The following TRAPPC9 variants were observed in gnomAD, a reference collection of about 807,000 sequenced individuals.
TRAPPC9 encodes IKK2 binding protein.
A neutral mutation model predicts 124.0 loss-of-function variants in TRAPPC9; 83 were observed. The ratio of observed to expected loss-of-function variants is 0.67; its 90% CI spans 0.56 to 0.80. The LOEUF (loss-of-function observed/expected upper bound fraction) is 0.80. Among genes scored for constraint, TRAPPC9 ranks in the 30% least tolerant of loss-of-function variants. The pLI is 0.00. For synonymous variants in TRAPPC9, 638 were observed against 617.5 expected (o/e 1.03, Z -0.49); for missense variants, 1,302 against 1,508.3 (o/e 0.86, Z 2.27).
chr8:140,129,006 A>ATATATTT (rs1563783130), intron 17 of TRAPPC9, among the ~76,000 whole-genome samples: 3 of 82,876 alleles, frequency 3.6e-5, no homozygotes, highest in African/African-American at 1.3e-4. Flanking sequence ...TATATATATT[A>ATATATTT]AAAAAAAAAA....
At position 139,737,925 on chromosome 8, in the gene TRAPPC9, G is replaced by A. The variant is rs192638732; in HGVS notation, c.3056-5723C>T. Among the ~76,000 whole-genome samples the A allele has an allele frequency of 1.6e-4, 24 of 152,256 alleles. No homozygotes were observed. In the East Asian group the frequency reaches 4.1e-3, roughly 26 times the overall value. On this transcript the variant is annotated intron_variant, in intron 21 of 22. Coordinates refer to ENST00000438773, the MANE Select transcript of TRAPPC9 (RefSeq NM_001160372.4). The stretch of plus-strand genomic sequence containing the variant: ...CTAGGACGGGGATGCTTTGCATTTC[G>A]ACAGCTTCTCCAGGGCCCTTCCTCT...
chr8:139,940,314 A>G (rs994443337), intron 19 of TRAPPC9, among the ~76,000 whole-genome samples: 3 of 152,248 alleles, frequency 2.0e-5, no homozygotes, highest in African/African-American at 7.2e-5. Context: ...GAAACAGGGA[A>G]GACATCAGAT....
At position 140,033,658 on chromosome 8, in the gene TRAPPC9, G is replaced by GTTTTTTTTTT. The variant is rs776155126; in HGVS notation, c.2557-9589_2557-9580dup. 6.1e-4 allele frequency among the ~76,000 whole-genome samples: 26 copies of GTTTTTTTTTT among 42,386 alleles called. 3 individuals are homozygous for GTTTTTTTTTT. Among genetic ancestry groups the GTTTTTTTTTT allele is most frequent in the Non-Finnish European group, 1.2e-3 (21 of 18,104 alleles). 27.8% of individuals were successfully genotyped at this position (42,386 alleles called of 152,430 possible). A position where few individuals can be genotyped will look rare whatever the true frequency, so the allele number is the denominator to read the frequency against. On this transcript the variant is annotated intron_variant, in intron 17 of 22. Coordinates refer to ENST00000438773, the MANE Select transcript of TRAPPC9 (RefSeq NM_001160372.4). ...TTGAAATGCAACTCTTCATAATGTG[G>GTTTTTTTTTT]TTTTTTTTTTTTTTTTTTTTTTTTT...
intron 15 of TRAPPC9, among the ~76,000 whole-genome samples, chr8:140,264,125 G>A (rs12542021): frequency 0.11 from 16,023 of 152,200 alleles, 1,099 homozygotes; most frequent in Admixed American, 0.17. Flanking sequence ...AAAGCACCTC[G>A]GAAACAGACC....
intron 16 of TRAPPC9, among the ~76,000 whole-genome samples, chr8:140,224,904 G>A (rs1014900830): frequency 1.2e-4 from 18 of 152,122 alleles, no homozygotes; most frequent in African/African-American, 3.4e-4. Context: ...CAGAGAGCCC[G>A]GTAGGAGATC....
chr8:140,190,194 G>A (rs931991297), intron 17 of TRAPPC9, among the ~76,000 whole-genome samples: 3 of 152,140 alleles, frequency 2.0e-5, no homozygotes, highest in South Asian at 2.1e-4. Context: ...GGTAGCTCAC[G>A]TCTGTAATCC....
chr8:140,268,984 G>C (rs545375769), intron 15 of TRAPPC9, among the ~76,000 whole-genome samples: 1 of 152,074 alleles, frequency 6.6e-6, no homozygotes, highest in Non-Finnish European at 1.5e-5. Context: ...GGCTTGCCCC[G>C]GGGCTGGGGC....
intron 19 of TRAPPC9, among the ~76,000 whole-genome samples, chr8:139,924,845 G>A (rs1832713077): frequency 6.6e-6 from 1 of 152,168 alleles, no homozygotes; most frequent in Non-Finnish European, 1.5e-5. Flanking sequence ...ATCTTTTACA[G>A]GCCTAGAACT....
rs1362864327 is a variant in TRAPPC9, at chr8:139,788,079, C to G, written c.3056-55877G>C. ...TCAGAACTAGGAACCCGAATTCCAA[C>G]CAGGCTTCAGCCCAGAAGCCACTTC... On this transcript the variant is annotated intron_variant, in intron 21 of 22. Coordinates refer to ENST00000438773, the MANE Select transcript of TRAPPC9 (RefSeq NM_001160372.4). The surrounding 1 kb of genome is among the most constrained non-coding windows in gnomAD (Gnocchi z 4.9). 6.6e-6 allele frequency among the ~76,000 whole-genome samples: 1 copy of G among 152,192 alleles called. No individual in the cohort carries two copies. The highest frequency in any genetic ancestry group is 1.5e-5 in the Non-Finnish European group (1 of 68,044).
intron 4 of TRAPPC9, among the ~76,000 whole-genome samples, chr8:140,431,977 T>C (rs2070662399): frequency 6.6e-6 from 1 of 152,236 alleles, no homozygotes; most frequent in Admixed American, 6.5e-5. Context: ...TCTGAAATTT[T>C]CATGCTGAAA....
chr8:140,119,200 C>T (rs570747715), intron 17 of TRAPPC9, among the ~76,000 whole-genome samples: 25 of 152,364 alleles, frequency 1.6e-4, no homozygotes, highest in Admixed American at 1.4e-3. Context: ...CCAGGCGTGG[C>T]GTCCTGCAGC....
At chr8:139,761,645 C>T (rs139318722) in intron 21 of TRAPPC9, among the ~76,000 whole-genome samples, 490 of 152,180 alleles carry the variant, frequency 3.2e-3, no homozygotes, top group Non-Finnish European at 5.7e-3. Flanking sequence ...GCTGTCAACA[C>T]AGCAAACTTG....
intron 17 of TRAPPC9, among the ~76,000 whole-genome samples, chr8:140,121,689 C>T (rs1450708491): frequency 6.6e-6 from 1 of 152,236 alleles, no homozygotes; most frequent in Non-Finnish European, 1.5e-5. Context: ...ATTGTAAACT[C>T]AACTATAGGC....
intron 5 of TRAPPC9, among the ~76,000 whole-genome samples, chr8:140,416,060 A>T (rs1004645253): frequency 2.6e-5 from 4 of 152,146 alleles, no homozygotes; most frequent in Non-Finnish European, 5.9e-5. Context: ...TAAAGATTAG[A>T]GCAGAAATAA....
chr8:140,300,260 T>C (rs1255176167), intron 11 of TRAPPC9, among the ~76,000 whole-genome samples: 1 of 141,132 alleles, frequency 7.1e-6, no homozygotes, highest in Non-Finnish European at 1.5e-5. Flanking sequence ...CATACACACA[T>C]ACACGCACAT....
intron 21 of TRAPPC9, among the ~76,000 whole-genome samples, chr8:139,882,097 G>A (rs1234197011): frequency 6.6e-6 from 1 of 152,186 alleles, no homozygotes; most frequent in Non-Finnish European, 1.5e-5. Context: ...CCTAGAACTG[G>A]GTTGATCTTC....
intron 20 of TRAPPC9, among the ~76,000 whole-genome samples, chr8:139,892,822 C>T (rs1411772152): frequency 6.6e-6 from 1 of 152,152 alleles, no homozygotes; most frequent in Non-Finnish European, 1.5e-5. Flanking sequence ...GTGGGCATCC[C>T]TCCACTGTAG....
intron 16 of TRAPPC9, among the ~76,000 whole-genome samples, chr8:140,249,661 T>G (rs1307153888): frequency 7.1e-6 from 1 of 140,918 alleles, no homozygotes; most frequent in Non-Finnish European, 1.5e-5. Context: ...TGGAGGGCAG[T>G]GGCGCGATCT....
At chr8:140,221,900 TGACTGTAA>T (rs990209789) in intron 16 of TRAPPC9, among the ~76,000 whole-genome samples, 4 of 152,232 alleles carry the variant, frequency 2.6e-5, no homozygotes, top group African/African-American at 9.6e-5. Flanking sequence ...TCAAAAACTG[TGACTGTAA>T]GGAGCATGCC....
Sources: gnomAD v4.1 joint callset for allele counts (sites outside exome capture counted in the v4.1 genomes callset) on GRCh38, gnomAD v4.1.1 for gene constraint, Gnocchi (gnomAD v3.1) non-coding constraint, MANE v1.5 for transcripts, NCBI Gene and HGNC (gene_info 2026-07-23, HGNC 2026-07-21) for gene names.